Variants in NVL observed in about 807,000 individuals in gnomAD.
The protein encoded by NVL is nuclear VCP like.
A neutral mutation model predicts 110.2 loss-of-function variants in NVL; 84 were observed. The ratio of observed to expected loss-of-function variants is 0.76; its 90% CI spans 0.64 to 0.91. NVL has a LOEUF of 0.91. Ranked by LOEUF, NVL falls within the 40% of genes least tolerant of loss-of-function variation. The pLI is 0.00. For missense variants in NVL, 882 were observed against 1,035.9 expected (o/e 0.85, Z 2.04); for synonymous variants, 354 against 361.1 (o/e 0.98, Z 0.22).
chr1:224,318,811 G>A lies in NVL; in HGVS notation c.132-881C>T, dbSNP rs1256384588. Among the ~76,000 whole-genome samples, 10 of 150,130 alleles carry A rather than the reference G, an allele frequency of 6.7e-5. No homozygotes were observed. The East Asian group carries it at 7.8e-4, about 12-fold the overall frequency. On this transcript the variant is annotated intron_variant, in intron 2 of 22. Coordinates refer to ENST00000281701, the MANE Select transcript of NVL (RefSeq NM_002533.4). The stretch of plus-strand genomic sequence containing the variant: ...AGCCTGGCTAACACGGTGAAACCTC[G>A]TCTCTTCTAAAAATAAAAAAAAAAA...
chr1:224,291,275 G>A (rs974506356), intron 12 of NVL, among the ~76,000 whole-genome samples: 3 of 151,992 alleles, frequency 2.0e-5, no homozygotes, highest in Admixed American at 6.6e-5. Context: ...GCACGATCTC[G>A]GCTCACCGCA....
In NVL at chr1:224,294,159, AGAAAG is replaced by A. The variant is rs1486300205; in HGVS notation, c.1325+103_1325+107del. ...CCAAATCAATTTAATTGGTACAAAA[AGAAAG>A]AGAGAGAAAGAAAAGGCTACTTGGT... is the stretch of plus-strand genomic sequence containing the variant. On this transcript the variant is annotated intron_variant, in intron 12 of 22. Transcript: ENST00000281701. The A allele has an allele frequency of 5.0e-6, 6 of 1,193,740 alleles. No homozygotes were observed. The African/African-American group carries it at 9.1e-5, about 18-fold the overall frequency. The allele number at this position is 1,193,740 out of a possible 1,614,324, so 73.9% of individuals were successfully genotyped here.
At chr1:224,320,476 A>C (rs953591696) in intron 2 of NVL, among the ~76,000 whole-genome samples, 19 of 152,174 alleles carry the variant, frequency 1.2e-4, no homozygotes, top group Admixed American at 1.2e-3. Context: ...GTAAAACCCC[A>C]TCTCTACTAA....
At position 224,289,637 on chromosome 1, in the gene NVL, G is replaced by C; in HGVS notation, c.1422C>G (p.Leu474=). 1 of 1,614,258 alleles carries C rather than the reference G, an allele frequency of 6.2e-7. No individual in the cohort carries two copies. The highest frequency in any genetic ancestry group is 8.5e-7 in the Non-Finnish European group (1 of 1,180,048). ...TTGCTGCCTCTCGGCACAGTGCCAT[G>C]AGATCAGCACCAACAAAGCCTGGAG... ...HLTPGFVGAD[L]MALCREAAMC... Residue 474 remains leucine (L), a synonymous_variant, in exon 13 of 23, where the codon CTC becomes CTG. Coordinates refer to ENST00000281701, the MANE Select transcript of NVL (RefSeq NM_002533.4).
intron 17 of NVL, among the ~76,000 whole-genome samples, chr1:224,271,407 T>C (rs537600725): frequency 1.3e-5 from 2 of 152,264 alleles, no homozygotes; most frequent in South Asian, 4.2e-4. Flanking sequence ...GATCATTTCT[T>C]GAGCCCAGGA....
At chr1:224,301,063 G>A (rs959390018) in intron 9 of NVL, among the ~76,000 whole-genome samples, 7 of 150,426 alleles carry the variant, frequency 4.7e-5, no homozygotes, top group African/African-American at 1.5e-4. Context: ...CCGAGATCGC[G>A]CCATTGCACT....
chr1:224,301,903 A>G (rs1474388928), intron 9 of NVL: 2 of 158,112 alleles, frequency 1.3e-5, no homozygotes, highest in South Asian at 1.5e-4. Flanking sequence ...CTTGAACCCA[A>G]CTCTAATTTG....
intron 19 of NVL, among the ~76,000 whole-genome samples, chr1:224,242,925 A>G (rs1661373393): frequency 6.7e-6 from 1 of 150,142 alleles, no homozygotes; most frequent in South Asian, 2.1e-4. Context: ...TCTGGGTTCA[A>G]GCGATTCTCC....
intron 8 of NVL, among the ~76,000 whole-genome samples, chr1:224,304,349 T>C (rs112801453): frequency 0.017 from 2,514 of 152,086 alleles, 60 homozygotes; most frequent in African/African-American, 0.056. Flanking sequence ...CTCTTGAACC[T>C]GGGAGGCGGA....
chr1:224,315,001 G>A (rs1669927539), intron 4 of NVL, among the ~76,000 whole-genome samples: 1 of 151,512 alleles, frequency 6.6e-6, no homozygotes. Flanking sequence ...ACAAGAGTGA[G>A]ACTCCATCTC....
At chr1:224,307,838 G>T in intron 6 of NVL, 153 bp downstream of exon 6, 2 of 581,504 alleles carry the variant, frequency 3.4e-6, no homozygotes, top group Non-Finnish European at 2.7e-6. Flanking sequence ...AGGATAGAAA[G>T]AATGGAAAGC....
chr1:224,308,470 C>T (rs1476883262), intron 5 of NVL, among the ~76,000 whole-genome samples: 1 of 151,868 alleles, frequency 6.6e-6, no homozygotes, highest in African/African-American at 2.4e-5. Flanking sequence ...GTGGGCAGAT[C>T]ACTTGAGGTC....
At chr1:224,240,885 G>A (rs996636386) in intron 19 of NVL, among the ~76,000 whole-genome samples, 2 of 150,432 alleles carry the variant, frequency 1.3e-5, no homozygotes, top group Non-Finnish European at 3.0e-5. Context: ...CCGCCTCCCG[G>A]GTTCAAGAGA....
At chr1:224,307,964 G>C in intron 6 of NVL, 27 bp downstream of exon 6, 2 of 1,507,624 alleles carry the variant, frequency 1.3e-6, no homozygotes, top group Non-Finnish European at 1.8e-6. Context: ...TCGATGATAT[G>C]GGGCTAAAAT....
intron 18 of NVL, among the ~76,000 whole-genome samples, chr1:224,256,798 T>C (rs951100352): frequency 6.6e-6 from 1 of 152,200 alleles, no homozygotes; most frequent in African/African-American, 2.4e-5. Flanking sequence ...CCGTCTTAGT[T>C]AATGTGAACT....
At chr1:224,280,020 T>C (rs1666159896) in intron 16 of NVL, among the ~76,000 whole-genome samples, 1 of 151,910 alleles carries the variant, frequency 6.6e-6, no homozygotes, top group Non-Finnish European at 1.5e-5. Flanking sequence ...ATACTATATA[T>C]TGTTTAGGGA....
intron 5 of NVL, among the ~76,000 whole-genome samples, chr1:224,308,659 C>A (rs1329442186): frequency 1.3e-5 from 2 of 148,862 alleles, no homozygotes; most frequent in African/African-American, 5.0e-5. Context: ...CCACTGCACT[C>A]CAGCCTGGGT....
intron 2 of NVL, among the ~76,000 whole-genome samples, chr1:224,321,896 CTTA>C (rs1670687270): frequency 6.6e-6 from 1 of 151,902 alleles, no homozygotes; most frequent in Non-Finnish European, 1.5e-5. Context: ...TTCTTGGTGA[CTTA>C]TTATAGACAT....
At chr1:224,264,073 T>A (rs1664246667) in intron 18 of NVL, among the ~76,000 whole-genome samples, 1 of 151,690 alleles carries the variant, frequency 6.6e-6, no homozygotes, top group Non-Finnish European at 1.5e-5. Flanking sequence ...GGCAGCCGGG[T>A]TGGGAGAGAG....
Sources: allele counts gnomAD v4.1 joint callset (sites outside exome capture counted in the v4.1 genomes callset), GRCh38; gene constraint gnomAD v4.1.1; transcripts MANE v1.5; gene names NCBI Gene and HGNC (gene_info 2026-07-23, HGNC 2026-07-21).